The following ADAMTS18 variants were observed in gnomAD, a reference collection of about 807,000 sequenced individuals.
ADAMTS18 encodes the protein A disintegrin and metalloproteinase with thrombospondin motifs 18.
Under a neutral mutation model 165.9 loss-of-function variants are expected in ADAMTS18, and 157 were observed. That is an observed-to-expected ratio of 0.95 (90% CI 0.83 to 1.08). The LOEUF (loss-of-function observed/expected upper bound fraction) is 1.08. Ranked by LOEUF, ADAMTS18 falls within the 50% of genes least tolerant of loss-of-function variation. The pLI is 0.00. For missense variants in ADAMTS18, 2,040 were observed against 1,534.0 expected (o/e 1.33, Z -5.51); for synonymous variants, 782 against 578.2 (o/e 1.35, Z -5.06).
rs375464712 is a variant in ADAMTS18 at position 77,294,775 on chromosome 16, T to A, written c.3006+148A>T. 30 of 780,390 alleles carry A rather than the reference T, an allele frequency of 3.8e-5. No individual in the cohort carries two copies. The African/African-American group carries it at 5.2e-4, about 13-fold the overall frequency. 48.3% of individuals were successfully genotyped at this position (780,390 alleles called of 1,614,324 possible). ...AAACTTCAGATTTCCTAAAGAACAT[T>A]AGTTAAAATGCAGATTCCCAGGCAC... On this transcript the variant is annotated intron_variant, in intron 19 of 22. Coordinates refer to ENST00000282849, the MANE Select transcript of ADAMTS18 (RefSeq NM_199355.4).
chr16:77,339,666 G>C (rs1402274911), intron 11 of ADAMTS18, among the ~76,000 whole-genome samples: 1 of 150,076 alleles, frequency 6.7e-6, no homozygotes, highest in Admixed American at 6.7e-5. Context: ...AAAGTAAAAA[G>C]GACTTGAGCA....
rs117837016 is a variant in ADAMTS18 at position 77,309,669 on chromosome 16, T to C, written c.2533-9265A>G. Among the ~76,000 whole-genome samples the C allele has an allele frequency of 3.3e-5, 5 of 152,340 alleles. No homozygotes were observed. The East Asian group carries it at 9.6e-4, about 29-fold the overall frequency. Reference sequence around the variant, plus strand: ...AACCAGAAGCAGAAGACACTTTTATTTGGCATCAAACCATGCACTTATTTC... The same window carrying C: ...AACCAGAAGCAGAAGACACTTTTATCTGGCATCAAACCATGCACTTATTTC... On this transcript the variant is annotated intron_variant, in intron 16 of 22. Transcript: ENST00000282849.
intron 8 of ADAMTS18, among the ~76,000 whole-genome samples, chr16:77,358,680 T>C (rs2056667796): frequency 1.3e-5 from 2 of 152,248 alleles, no homozygotes; most frequent in African/African-American, 4.8e-5. Context: ...AGTTATTTCC[T>C]GTATGTTGAA....
chr16:77,320,203 T>C (rs2055970455), intron 15 of ADAMTS18, 110 bp from the exon 16 acceptor site: 13 of 1,316,074 alleles, frequency 9.9e-6, no homozygotes, highest in Non-Finnish European at 1.4e-5. Flanking sequence ...GGTTTTTAAA[T>C]CATTATCTAA....
chr16:77,385,739 C>T (rs1042220943), intron 3 of ADAMTS18, among the ~76,000 whole-genome samples: 1 of 152,192 alleles, frequency 6.6e-6, no homozygotes, highest in Non-Finnish European at 1.5e-5. Context: ...ATTGACAGGA[C>T]TTCCCAAGCT....
rs369294701 is a variant in ADAMTS18, at chr16:77,431,556, G to T, written c.234C>A (p.His78Gln). The T allele has an allele frequency of 6.2e-7, 1 of 1,614,160 alleles. No homozygotes were observed. The highest frequency in any genetic ancestry group is 8.5e-7 in the Non-Finnish European group (1 of 1,180,024). Residue 78 changes from histidine to glutamine, a missense_variant, in exon 3 of 23, where the codon CAC becomes CAA. Coordinates refer to ENST00000282849, the MANE Select transcript of ADAMTS18 (RefSeq NM_199355.4). Reference protein sequence around the residue: ...EVDSAGSYISHDILHNGRKKR... With the variant: ...EVDSAGSYISQDILHNGRKKR... The stretch of plus-strand genomic sequence containing the variant: ...TTTTCCTGCCGTTGTGCAAAATGTC[G>T]TGTGAAATATATGACCCGGCTGAGT...
intron 8 of ADAMTS18, among the ~76,000 whole-genome samples, chr16:77,358,492 G>A (rs935611066): frequency 6.6e-6 from 1 of 152,110 alleles, no homozygotes; most frequent in African/African-American, 2.4e-5. Flanking sequence ...AACCCGGGAG[G>A]CGGAGGTTGC....
intron 3 of ADAMTS18, among the ~76,000 whole-genome samples, chr16:77,375,671 G>T (rs1315532006): frequency 6.6e-6 from 1 of 152,156 alleles, no homozygotes; most frequent in Non-Finnish European, 1.5e-5. Flanking sequence ...GACGCCCTTA[G>T]GCTCCTCCTA....
chr16:77,346,043 C>T (rs890446600), intron 10 of ADAMTS18, among the ~76,000 whole-genome samples: 5 of 152,164 alleles, frequency 3.3e-5, no homozygotes, highest in Admixed American at 3.3e-4. Flanking sequence ...TCAAATTTTG[C>T]TCCCAAAGCG....
intron 3 of ADAMTS18, among the ~76,000 whole-genome samples, chr16:77,371,147 G>A (rs111768904): frequency 2.0e-5 from 3 of 152,146 alleles, no homozygotes; most frequent in African/African-American, 7.2e-5. Context: ...TCTGAAAGGT[G>A]GAGGCTGCAG....
chr16:77,325,530 G>C (rs906092504), intron 13 of ADAMTS18, among the ~76,000 whole-genome samples: 1 of 151,992 alleles, frequency 6.6e-6, no homozygotes, highest in African/African-American at 2.4e-5. Flanking sequence ...TGAGTTTTTG[G>C]TCTGGACAGT....
At chr16:77,369,158 A>C (rs1381868115) in intron 3 of ADAMTS18, among the ~76,000 whole-genome samples, 2 of 152,122 alleles carry the variant, frequency 1.3e-5, no homozygotes, top group East Asian at 3.9e-4. Context: ...TGATATCCTC[A>C]CATGTTTATG....
chr16:77,350,348 A>G (rs1006155000), intron 10 of ADAMTS18, among the ~76,000 whole-genome samples: 1 of 152,160 alleles, frequency 6.6e-6, no homozygotes, highest in Non-Finnish European at 1.5e-5. Flanking sequence ...CAGAGCCTTT[A>G]CCAGGGCAGC....
intron 3 of ADAMTS18, among the ~76,000 whole-genome samples, chr16:77,386,891 T>A (rs2057115402): frequency 6.6e-6 from 1 of 152,172 alleles, no homozygotes; most frequent in Non-Finnish European, 1.5e-5. Flanking sequence ...GTGAAATCTG[T>A]GAGTCTGCAA....
At chr16:77,297,594 C>T (rs2144584417) in intron 17 of ADAMTS18, among the ~76,000 whole-genome samples, 179 bp from the exon 18 acceptor site, 1 of 151,914 alleles carries the variant, frequency 6.6e-6, no homozygotes, top group South Asian at 2.1e-4. Flanking sequence ...CATTCCCCTC[C>T]CTAAAATAAT....
Position 77,434,817 on chromosome 16 carries a change from G to T in ADAMTS18, c.-122C>A. 2 of 811,464 alleles carry T rather than the reference G, an allele frequency of 2.5e-6. No homozygotes were observed. Among genetic ancestry groups the T allele is most frequent in the Non-Finnish European group, 3.4e-6 (2 of 596,056 alleles). The allele number at this position is 811,464 out of a possible 1,614,324, so 50.3% of individuals were successfully genotyped here. A position where few individuals can be genotyped will look rare whatever the true frequency, so the allele number is the denominator to read the frequency against. On this transcript the variant is annotated 5_prime_UTR_variant, in exon 1 of 23. Coordinates refer to ENST00000282849, the MANE Select transcript of ADAMTS18 (RefSeq NM_199355.4). ...CCAGGTGCGGCTCCAGGTGAGAGCC[G>T]CCGCCGTTCACATCGCAGCGGGGGC...
At chr16:77,314,997 G>A (rs192425679) in intron 16 of ADAMTS18, among the ~76,000 whole-genome samples, 1 of 151,270 alleles carries the variant, frequency 6.6e-6, no homozygotes, top group East Asian at 2.0e-4. Flanking sequence ...TTAAGAGTCT[G>A]TACTCTCAGC....
chr16:77,398,278 C>A (rs940944657), intron 3 of ADAMTS18, among the ~76,000 whole-genome samples: 3 of 152,000 alleles, frequency 2.0e-5, no homozygotes. Flanking sequence ...GATCACGCCA[C>A]TGCACTACAG....
intron 10 of ADAMTS18, among the ~76,000 whole-genome samples, chr16:77,349,683 A>G (rs576203427): frequency 6.6e-6 from 1 of 152,126 alleles, no homozygotes; most frequent in Admixed American, 6.5e-5. Flanking sequence ...CTTCAGGAAA[A>G]GGCATAGACC....
Sources: gnomAD v4.1 joint callset for allele counts (sites outside exome capture counted in the v4.1 genomes callset) on GRCh38, gnomAD v4.1.1 for gene constraint, MANE v1.5 for transcripts, NCBI Gene and HGNC (gene_info 2026-07-23, HGNC 2026-07-21) for gene names.